The following ANKRD44 variants were observed in gnomAD, a reference collection of about 807,000 sequenced individuals.
The protein encoded by ANKRD44 is serine/threonine-protein phosphatase 6 regulatory ankyrin repeat subunit B.
ANKRD44 carries 35 observed loss-of-function variants against 116.0 expected under a neutral mutation model. That is an observed-to-expected ratio of 0.30 (90% confidence interval 0.23 to 0.40). The LOEUF (loss-of-function observed/expected upper bound fraction) is 0.40. ANKRD44 is among the 10% of genes least tolerant of loss of function. The pLI is 1.00. For synonymous variants in ANKRD44, 435 were observed against 461.8 expected (o/e 0.94, Z 0.74); for missense variants, 1,014 against 1,242.6 (o/e 0.82, Z 2.77).
chr2:197,249,709 T>C (rs1288850106), intron 1 of ANKRD44, among the ~76,000 whole-genome samples: 1 of 152,242 alleles, frequency 6.6e-6, no homozygotes, highest in Admixed American at 6.5e-5. Context: ...AAAATGTCTT[T>C]CATTACAGCA....
intron 2 of ANKRD44, among the ~76,000 whole-genome samples, chr2:197,153,632 A>G (rs527832223): frequency 1.2e-4 from 18 of 152,340 alleles, no homozygotes; most frequent in African/African-American, 4.1e-4. Context: ...TTTACTTTCA[A>G]TTTTTAACAT....
chr2:197,014,179 A>G (rs2125922956), intron 17 of ANKRD44, among the ~76,000 whole-genome samples: 1 of 152,340 alleles, frequency 6.6e-6, no homozygotes, highest in Non-Finnish European at 1.5e-5. Flanking sequence ...CAACAGAGGC[A>G]TGTAGATGTT....
intron 16 of ANKRD44, among the ~76,000 whole-genome samples, chr2:197,056,642 A>G (rs908762102): frequency 6.6e-6 from 1 of 152,192 alleles, no homozygotes; most frequent in Non-Finnish European, 1.5e-5. Context: ...TAATGGAAAT[A>G]ACATTTTATA....
intron 10 of ANKRD44, among the ~76,000 whole-genome samples, chr2:197,090,373 A>T (rs981118408): frequency 6.6e-6 from 1 of 152,054 alleles, no homozygotes; most frequent in Non-Finnish European, 1.5e-5. Flanking sequence ...TCATTCTCTC[A>T]TTCATCTATT....
At chr2:197,252,328 ACCCGC>A (rs1553540463) in intron 1 of ANKRD44, among the ~76,000 whole-genome samples, 16,475 of 147,906 alleles carry the variant, frequency 0.11, 961 homozygotes, top group Middle Eastern at 0.13. Context: ...GCTCCCCGCT[ACCCGC>A]CCCGCCCCGC....
At position 196,987,296 on chromosome 2, in the gene ANKRD44, A is replaced by C. The variant is rs1160859279; in HGVS notation, c.*2295T>G. 2 of 985,198 alleles carry C rather than the reference A, an allele frequency of 2.0e-6. No individual in the cohort carries two copies. Among genetic ancestry groups the C allele is most frequent in the African/African-American group, 1.7e-5 (1 of 57,264 alleles). 61.0% of individuals were successfully genotyped at this position (985,198 alleles called of 1,614,324 possible). A position where few individuals can be genotyped will look rare whatever the true frequency, so the allele number is the denominator to read the frequency against. The stretch of plus-strand genomic sequence containing the variant: ...CAAGTACAAGGGGAAATAGGAAAAA[A>C]GACACTTTATACATTCAAAGAAAAG... On this transcript the variant is annotated 3_prime_UTR_variant, in exon 28 of 28. Coordinates refer to ENST00000282272, the MANE Select transcript of ANKRD44 (RefSeq NM_001195144.2).
At chr2:197,264,384 T>C (rs770860471) in intron 1 of ANKRD44, among the ~76,000 whole-genome samples, 11 of 152,236 alleles carry the variant, frequency 7.2e-5, no homozygotes, top group Non-Finnish European at 1.3e-4. Flanking sequence ...TGAAGCACTT[T>C]GAATTCAACC....
At position 197,149,185 on chromosome 2, in the gene ANKRD44, G is replaced by T. The variant is rs192949141; in HGVS notation, c.112-2080C>A. 1.1e-4 allele frequency among the ~76,000 whole-genome samples: 16 copies of T among 152,276 alleles called. No individual in the cohort carries two copies. The South Asian group carries it at 3.3e-3, about 32-fold the overall frequency. On this transcript the variant is annotated intron_variant, in intron 2 of 27. Transcript: ENST00000282272. ...TTTTGTGAACTGAATTGGTTTCAGG[G>T]TTTGGTTCAACAAATTAAACCCTGC...
chr2:197,260,082 T>A, intron 1 of ANKRD44, among the ~76,000 whole-genome samples: 1 of 152,328 alleles, frequency 6.6e-6, no homozygotes, highest in African/African-American at 2.4e-5. Flanking sequence ...ACAATATTTT[T>A]AAAATTTTAT....
At chr2:197,042,407 TG>T (rs1486090705) in intron 16 of ANKRD44, among the ~76,000 whole-genome samples, 3 of 152,012 alleles carry the variant, frequency 2.0e-5, no homozygotes, top group African/African-American at 7.3e-5. Flanking sequence ...TGGCCAACAT[TG>T]TTAGGAGAAA....
intron 1 of ANKRD44, among the ~76,000 whole-genome samples, chr2:197,226,523 G>T (rs1184562085): frequency 7.2e-5 from 11 of 152,112 alleles, no homozygotes; most frequent in Non-Finnish European, 1.5e-5. Flanking sequence ...AATTAGCCAG[G>T]TGTGGTGGTG....
chr2:197,026,557 G>A (rs1020731425), intron 16 of ANKRD44, among the ~76,000 whole-genome samples: 2 of 152,190 alleles, frequency 1.3e-5, no homozygotes, highest in Admixed American at 6.5e-5. Flanking sequence ...CCAAGTGAGC[G>A]AGGGTGAGAA....
intron 2 of ANKRD44, among the ~76,000 whole-genome samples, chr2:197,181,142 C>T (rs988582630): frequency 1.4e-4 from 21 of 152,242 alleles, no homozygotes; most frequent in African/African-American, 5.1e-4. Flanking sequence ...CATTTTGGAA[C>T]TGGAGAGAGT....
intron 16 of ANKRD44, among the ~76,000 whole-genome samples, chr2:197,038,363 C>T (rs892437553): frequency 1.3e-5 from 2 of 152,136 alleles, no homozygotes; most frequent in Non-Finnish European, 2.9e-5. Flanking sequence ...AAAACACCAA[C>T]CAACCAATCA....
chr2:197,268,598 G>A (rs983284327), intron 1 of ANKRD44, among the ~76,000 whole-genome samples: 1 of 152,158 alleles, frequency 6.6e-6, no homozygotes. Flanking sequence ...ACAGAGATGC[G>A]ATTCACTCTG....
At chr2:197,013,928 T>C (rs1212588577) in intron 17 of ANKRD44, among the ~76,000 whole-genome samples, 1 of 152,242 alleles carries the variant, frequency 6.6e-6, no homozygotes, top group Non-Finnish European at 1.5e-5. Flanking sequence ...ATGAGTTTCG[T>C]GTTCTTTCTC....
chr2:197,230,627 G>C (rs1158171830), intron 1 of ANKRD44, among the ~76,000 whole-genome samples: 2 of 152,152 alleles, frequency 1.3e-5, no homozygotes, highest in African/African-American at 4.8e-5. Flanking sequence ...GAGCAGGAGA[G>C]AGTATCTTAA....
chr2:197,274,675 C>A (rs575189781), intron 1 of ANKRD44, among the ~76,000 whole-genome samples: 1 of 152,202 alleles, frequency 6.6e-6, no homozygotes, highest in Non-Finnish European at 1.5e-5. Context: ...ATCTCACACC[C>A]CAGATTCCAT....
At chr2:197,164,107 G>A (rs1300444764) in intron 2 of ANKRD44, among the ~76,000 whole-genome samples, 1 of 152,238 alleles carries the variant, frequency 6.6e-6, no homozygotes, top group Non-Finnish European at 1.5e-5. Flanking sequence ...GTGTGCTGCA[G>A]GCCCAGTCCT....
Sources: allele counts gnomAD v4.1 joint callset (sites outside exome capture counted in the v4.1 genomes callset), GRCh38; gene constraint gnomAD v4.1.1; transcripts MANE v1.5; gene names NCBI Gene and HGNC (gene_info 2026-07-23, HGNC 2026-07-21).